Variants in ARHGEF33 observed in about 807,000 individuals in gnomAD.
ARHGEF33 encodes DH and coiled-coil domain-containing protein ENSP00000381780.
A neutral mutation model predicts 101.9 loss-of-function variants in ARHGEF33; 72 were observed. That is an observed-to-expected ratio of 0.71 (90% CI 0.58 to 0.86). The LOEUF (loss-of-function observed/expected upper bound fraction) is 0.86, where lower values mean the gene tolerates loss of function less well. Ranked by LOEUF, ARHGEF33 falls within the 40% of genes least tolerant of loss-of-function variation. The pLI is 0.00. For missense variants in ARHGEF33, 1,169 were observed against 1,111.3 expected, an observed-to-expected ratio of 1.05 and a Z score of -0.74; for synonymous variants, 499 against 442.5, an observed-to-expected ratio of 1.13 and a Z score of -1.60.
intron 1 of ARHGEF33, among the ~76,000 whole-genome samples, chr2:38,893,350 G>A (rs557277245): frequency 6.6e-6 from 1 of 152,100 alleles, no homozygotes; most frequent in East Asian, 1.9e-4. Context: ...AGTAGAGACA[G>A]AGTTTCACTA....
chr2:38,935,502 C>T (rs1024087220), intron 7 of ARHGEF33, among the ~76,000 whole-genome samples: 3 of 152,184 alleles, frequency 2.0e-5, no homozygotes, highest in African/African-American at 7.2e-5. Flanking sequence ...AACTATTTAA[C>T]TCTTACAATA....
At chr2:38,957,986 C>T (rs1266561037) in intron 14 of ARHGEF33, 48 bp from the exon 15 acceptor site, 3 of 1,542,264 alleles carry the variant, frequency 1.9e-6, no homozygotes, top group South Asian at 1.2e-5. Context: ...GTTCAGAGAG[C>T]CAGTTTGCCA....
At chr2:38,925,835 C>T (rs546616998) in intron 4 of ARHGEF33, among the ~76,000 whole-genome samples, 1 of 152,166 alleles carries the variant, frequency 6.6e-6, no homozygotes, top group African/African-American at 2.4e-5. Context: ...CAGGTCCAGT[C>T]CCCCTAATTT....
chr2:38,942,455 C>A (rs1156617319), intron 9 of ARHGEF33, among the ~76,000 whole-genome samples: 3 of 139,540 alleles, frequency 2.1e-5, no homozygotes, highest in Non-Finnish European at 4.6e-5. Context: ...CCACCACGCC[C>A]AGCCCCTCTT....
At chr2:38,931,019 C>A in intron 6 of ARHGEF33, 90 bp from the exon 7 acceptor site, 2 of 1,009,322 alleles carry the variant, frequency 2.0e-6, no homozygotes, top group Non-Finnish European at 2.8e-6. Context: ...ATAATTCAGA[C>A]ATTTTCTTGA....
intron 1 of ARHGEF33, among the ~76,000 whole-genome samples, chr2:38,890,741 G>T (rs1665978949): frequency 6.6e-6 from 1 of 152,024 alleles, no homozygotes. Context: ...AAATCATATT[G>T]CTGTAAATGG....
At chr2:38,910,973 G>A (rs1056100893) in intron 2 of ARHGEF33, among the ~76,000 whole-genome samples, 4 of 152,162 alleles carry the variant, frequency 2.6e-5, no homozygotes, top group African/African-American at 4.8e-5. Context: ...CAAATAATTT[G>A]TATGAGCTAT....
chr2:38,966,237 G>A (rs1191835425), intron 17 of ARHGEF33, 92 bp downstream of exon 17: 1 of 1,449,516 alleles, frequency 6.9e-7, no homozygotes. Flanking sequence ...AAGTAGCCTG[G>A]TCTCACACAA....
chr2:38,903,063 G>A (rs1469532188), intron 2 of ARHGEF33, among the ~76,000 whole-genome samples: 2 of 152,138 alleles, frequency 1.3e-5, no homozygotes, highest in African/African-American at 4.8e-5. Flanking sequence ...ATAAATCATA[G>A]CTTGAGGTTC....
chr2:38,961,279 A>C (rs961706298), intron 16 of ARHGEF33, among the ~76,000 whole-genome samples: 6 of 151,130 alleles, frequency 4.0e-5, no homozygotes, highest in Non-Finnish European at 7.4e-5. Context: ...TAATTTGCAA[A>C]CTCTATTGGG....
chr2:38,946,889 G>A (rs936977687), intron 10 of ARHGEF33, among the ~76,000 whole-genome samples: 1 of 152,180 alleles, frequency 6.6e-6, no homozygotes, highest in African/African-American at 2.4e-5. Flanking sequence ...GCCTCTCAAA[G>A]TGCTGGGATT....
rs536650121 is a variant in ARHGEF33, at chr2:38,915,371, T to C, written c.-85-3992T>C. On this transcript the variant is annotated intron_variant, in intron 2 of 17. Transcript: ENST00000409978. ...GTTTCCAAATTTTCTCTAACGTAGT[T>C]TTTTTATTGACTTTTTTTTTTTTTT... Among the ~76,000 whole-genome samples the C allele has an allele frequency of 9.2e-4, 136 of 147,766 alleles. 2 individuals carry two copies. The South Asian group carries it at 0.027, about 30-fold the overall frequency.
chr2:38,916,262 C>T (rs1317849896), intron 2 of ARHGEF33, among the ~76,000 whole-genome samples: 5 of 152,126 alleles, frequency 3.3e-5, no homozygotes. Context: ...AGATTTTCTT[C>T]CCCCAAATAG....
At chr2:38,937,934 C>T (rs1425194895) in intron 9 of ARHGEF33, among the ~76,000 whole-genome samples, 1 of 152,148 alleles carries the variant, frequency 6.6e-6, no homozygotes, top group Non-Finnish European at 1.5e-5. Flanking sequence ...AGCCTGTCCT[C>T]CCTCCTTTTT....
intron 11 of ARHGEF33, 53 bp from the exon 12 acceptor site, chr2:38,953,109 T>G: frequency 2.4e-6 from 2 of 825,732 alleles, no homozygotes; most frequent in African/African-American, 1.7e-5. Flanking sequence ...TATAAAAATA[T>G]TATAGATCCT....
At chr2:38,945,130 G>T (rs975207471) in intron 10 of ARHGEF33, among the ~76,000 whole-genome samples, 1 of 152,182 alleles carries the variant, frequency 6.6e-6, no homozygotes, top group African/African-American at 2.4e-5. Context: ...CTGGATTATG[G>T]ACTACTGTGG....
rs1446944601 is a variant in ARHGEF33 at position 38,935,774 on chromosome 2, G to A, written c.506-1G>A. On this transcript the variant is annotated splice_acceptor_variant, in intron 7 of 17. Coordinates refer to ENST00000409978, the MANE Select transcript of ARHGEF33 (RefSeq NM_001145451.5). LOFTEE classifies it high-confidence loss of function. ...GAATGAATGCTTTCCTTTCTCTGCA[G>A]CCCAAGAGTCCAGATCTGTTCATGT... 22 of 1,551,670 alleles carry A rather than the reference G, an allele frequency of 1.4e-5. No individual in the cohort carries two copies. The highest frequency in any genetic ancestry group is 1.9e-5 in the Non-Finnish European group (22 of 1,146,838).
chr2:38,928,875 C>G, intron 4 of ARHGEF33, 32 bp from the exon 5 acceptor site: 1 of 1,523,564 alleles, frequency 6.6e-7, no homozygotes, highest in Non-Finnish European at 8.8e-7. Flanking sequence ...TAATTTCCAG[C>G]AAATTGAATT....
chr2:38,970,604 A>G (rs1668145931), intron 17 of ARHGEF33, among the ~76,000 whole-genome samples: 1 of 152,242 alleles, frequency 6.6e-6, no homozygotes. Flanking sequence ...TCAACCATTC[A>G]ATTAAGTGTC....
Sources: allele counts gnomAD v4.1 joint callset (sites outside exome capture counted in the v4.1 genomes callset), GRCh38; gene constraint gnomAD v4.1.1; transcripts MANE v1.5; gene names NCBI Gene and HGNC (gene_info 2026-07-23, HGNC 2026-07-21).